MATR3: variants seen among roughly 807,000 people sequenced by gnomAD.
MATR3 encodes matrin-3.
Under a neutral mutation model 85.5 loss-of-function variants are expected in MATR3, and 4 were observed. That is an observed-to-expected ratio of 0.05 (90% CI 0.02 to 0.11). The LOEUF (loss-of-function observed/expected upper bound fraction) is 0.11. Ranked by LOEUF, MATR3 falls within the 10% of genes least tolerant of loss-of-function variation. The pLI is 1.00. For missense variants in MATR3, 685 were observed against 1,016.1 expected, an observed-to-expected ratio of 0.67 and a Z score of 4.43; for synonymous variants, 336 against 343.1, an observed-to-expected ratio of 0.98 and a Z score of 0.23.
intron 1 of MATR3, among the ~76,000 whole-genome samples, chr5:139,306,026 A>G (rs889554049): frequency 2.6e-5 from 4 of 152,202 alleles, no homozygotes; most frequent in African/African-American, 9.6e-5. Flanking sequence ...TGCTGAGTGT[A>G]TTGGTGATCA....
At position 139,276,152 on chromosome 5, in the gene MATR3, T is replaced by A. The variant is rs539017488; in HGVS notation, c.-257+2T>A. 33 of 456,678 alleles carry A rather than the reference T, an allele frequency of 7.2e-5. No homozygotes were observed. Among genetic ancestry groups the A allele is most frequent in the Non-Finnish European group, 1.3e-4 (29 of 226,954 alleles). The allele number at this position is 456,678 out of a possible 1,614,324, so 28.3% of individuals were successfully genotyped here. ...TGGCTGTGGCAGATGCAACTGCAGG[T>A]GAGTGCAACCCCTTCAGCTCTCTTG... On this transcript the variant is annotated splice_donor_variant, in intron 2 of 16. Coordinates refer to ENST00000509990, the Ensembl canonical transcript of MATR3. LOFTEE classifies it low-confidence loss of function (5UTR_SPLICE).
intron 1 of MATR3, among the ~76,000 whole-genome samples, chr5:139,298,187 C>G (rs1267482700): frequency 6.6e-6 from 1 of 152,170 alleles, no homozygotes; most frequent in African/African-American, 2.4e-5. Flanking sequence ...CCTCTTAACA[C>G]ACGGGAACCT....
In MATR3 at chr5:139,329,823, C is replaced by G. The variant is rs561547588; in HGVS notation, c.*428C>G. On this transcript the variant is annotated 3_prime_UTR_variant, in exon 15 of 15. Coordinates refer to ENST00000394805, the MANE Select transcript of MATR3 (RefSeq NM_018834.6). ...GAAACATTCCATGTTTTAATCTGAG[C>G]CTTGCAGACTTTCATTTGGAGTTTG... 11 of 454,558 alleles carry G rather than the reference C, an allele frequency of 2.4e-5. No individual in the cohort carries two copies. Among genetic ancestry groups the G allele is most frequent in the Admixed American group, 2.3e-4 (10 of 42,562 alleles). The allele number at this position is 454,558 out of a possible 1,614,324, so 28.2% of individuals were successfully genotyped here.
At chr5:139,290,240 AT>A (rs953440249), upstream of MATR3, among the ~76,000 whole-genome samples, 3 of 150,214 alleles carry the variant, frequency 2.0e-5, no homozygotes, top group Middle Eastern at 3.2e-3. Flanking sequence ...CAGTGGTGTG[AT>A]CATGGCTCAC....
At chr5:139,306,268 T>C (rs1337333603) in intron 1 of MATR3, among the ~76,000 whole-genome samples, 6 of 152,118 alleles carry the variant, frequency 3.9e-5, no homozygotes, top group Non-Finnish European at 4.4e-5. Context: ...TAGAAACACG[T>C]CTTGGGGGAT....
At chr5:139,303,203 G>A (rs749035814) in intron 1 of MATR3, among the ~76,000 whole-genome samples, 2 of 152,218 alleles carry the variant, frequency 1.3e-5, no homozygotes, top group Non-Finnish European at 2.9e-5. Context: ...CCAGGTTCAA[G>A]TGATTCTCCG....
chr5:139,330,586 C>T lies in MATR3; in HGVS notation c.*1191C>T. On this transcript the variant is annotated 3_prime_UTR_variant, in exon 15 of 15. Coordinates refer to ENST00000394805, the MANE Select transcript of MATR3 (RefSeq NM_018834.6). ...TGTTGTTGCTGGTGGATTTCTTGTT[C>T]CTGTTACATAACTAAAAGTGAGGCC... is the stretch of plus-strand genomic sequence containing the variant. 2.2e-6 allele frequency: 1 copy of T among 454,014 alleles called. No homozygotes were observed. Among genetic ancestry groups the T allele is most frequent in the South Asian group, 1.6e-5 (1 of 64,472 alleles). 28.1% of individuals were successfully genotyped at this position (454,014 alleles called of 1,614,324 possible).
At chr5:139,318,450 T>C (rs1755368680) in intron 7 of MATR3, among the ~76,000 whole-genome samples, 1 of 152,064 alleles carries the variant, frequency 6.6e-6, no homozygotes, top group African/African-American at 2.4e-5. Context: ...TTTGTTCGTT[T>C]GTTTTTGTTT....
In MATR3 at chr5:139,298,373, C is replaced by A. The variant is rs1283830986; in HGVS notation, c.-178+4568C>A. On this transcript the variant is annotated intron_variant, in intron 1 of 14. Transcript: ENST00000394805. ...ATCACTTCAGGCCAGGAGTTCGAGA[C>A]CAACCTGGGCAACATACGGAAAACC... 3.3e-5 allele frequency among the ~76,000 whole-genome samples: 5 copies of A among 152,102 alleles called. No individual in the cohort carries two copies. In the East Asian group the frequency reaches 9.6e-4, roughly 29 times the overall value.
intron 3 of MATR3, among the ~76,000 whole-genome samples, chr5:139,281,550 G>A (rs1212024532): frequency 6.6e-6 from 1 of 151,568 alleles, no homozygotes; most frequent in African/African-American, 2.4e-5. Flanking sequence ...GTTTTGCCAT[G>A]CCATTTCAGC....
At chr5:139,299,524 A>C (rs1419488488) in intron 1 of MATR3, among the ~76,000 whole-genome samples, 2 of 152,092 alleles carry the variant, frequency 1.3e-5, no homozygotes, top group Non-Finnish European at 1.5e-5. Context: ...AAATGTTAAA[A>C]ATTAGTCGGG....
At chr5:139,324,894 A>G (rs1416013944) in intron 12 of MATR3, among the ~76,000 whole-genome samples, 1 of 152,150 alleles carries the variant, frequency 6.6e-6, no homozygotes, top group Non-Finnish European at 1.5e-5. Context: ...GAGCCAATGA[A>G]TAAAGACAAA....
intron 9 of MATR3, among the ~76,000 whole-genome samples, chr5:139,321,578 C>T (rs1755571190): frequency 6.6e-6 from 1 of 152,086 alleles, no homozygotes; most frequent in African/African-American, 2.4e-5. Flanking sequence ...AGTCCAGGAG[C>T]CCGAGACCAG....
At chr5:139,294,294 C>T (rs116378789) in intron 1 of MATR3, among the ~76,000 whole-genome samples, 61 of 152,318 alleles carry the variant, frequency 4.0e-4, no homozygotes, top group South Asian at 2.3e-3. Context: ...TGGGTAGCGC[C>T]AGTGCCAAAT....
At chr5:139,309,640 G>C (rs1754871146) in intron 2 of MATR3, among the ~76,000 whole-genome samples, 1 of 152,042 alleles carries the variant, frequency 6.6e-6, no homozygotes, top group Non-Finnish European at 1.5e-5. Context: ...TTAAGAAGAT[G>C]TATTTTCATT....
chr5:139,317,990 C>T (rs1420397201), intron 7 of MATR3, among the ~76,000 whole-genome samples: 1 of 152,106 alleles, frequency 6.6e-6, no homozygotes. Context: ...AAAGCCATTT[C>T]AGATCTATAC....
At chr5:139,297,619 C>G (rs1307593382) in intron 1 of MATR3, among the ~76,000 whole-genome samples, 1 of 152,158 alleles carries the variant, frequency 6.6e-6, no homozygotes, top group African/African-American at 2.4e-5. Context: ...TGTTATCTGA[C>G]CTAACCTGAA....
upstream of MATR3, among the ~76,000 whole-genome samples, chr5:139,290,166 C>T (rs1227921789): frequency 6.6e-6 from 1 of 151,878 alleles, no homozygotes. Context: ...TTTTTCACTG[C>T]ATCCACTTAA....
intron 3 of MATR3, among the ~76,000 whole-genome samples, chr5:139,285,583 G>T (rs1225597686): frequency 1.3e-5 from 2 of 152,156 alleles, no homozygotes; most frequent in Non-Finnish European, 2.9e-5. Flanking sequence ...TGAGGCAGGA[G>T]AATTATTTGA....
Sources: allele counts gnomAD v4.1 joint callset (sites outside exome capture counted in the v4.1 genomes callset), GRCh38; gene constraint gnomAD v4.1.1; transcripts MANE v1.5; gene names NCBI Gene and HGNC (gene_info 2026-07-23, HGNC 2026-07-21).